The following TLN1 variants were observed in gnomAD, a reference collection of about 807,000 sequenced individuals.
The protein encoded by TLN1 is talin 1.
In TLN1, 56 loss-of-function variants were observed where a neutral mutation model predicts 292.3. The observed-to-expected ratio is 0.19, with a 90% CI of 0.15 to 0.24. The LOEUF (loss-of-function observed/expected upper bound fraction) is 0.24. Ranked by LOEUF, TLN1 falls within the 10% of genes least tolerant of loss-of-function variation. The pLI is 1.00. For missense variants in TLN1, 2,433 were observed against 3,248.2 expected, an observed-to-expected ratio of 0.75 and a Z score of 6.10; for synonymous variants, 1,119 against 1,253.7, an observed-to-expected ratio of 0.89 and a Z score of 2.27.
Position 35,699,928 on chromosome 9 carries a change from G to C in TLN1, c.6768+46C>G, listed in dbSNP as rs1563937760. The C allele has an allele frequency of 6.4e-7, 1 of 1,561,054 alleles. No homozygotes were observed. The highest frequency in any genetic ancestry group is 2.3e-5 in the East Asian group (1 of 44,210). ...GCGAGGCCTGCAGGAAGAGGGCTGT[G>C]TATTCAGGGAGGCTGGTATGAGGAA... On this transcript the variant is annotated intron_variant, in intron 50 of 56. Coordinates refer to ENST00000314888, the MANE Select transcript of TLN1 (RefSeq NM_006289.4). The surrounding 1 kb of genome is among the most constrained non-coding windows in gnomAD (Gnocchi z 4.0).
At chr9:35,721,908 G>T in intron 9 of TLN1, 105 bp from the exon 10 acceptor site, 2 of 1,461,496 alleles carry the variant, frequency 1.4e-6, no homozygotes, top group Non-Finnish European at 1.9e-6. Context: ...GGCCGGGAGG[G>T]CTAACGGACA....
intron 48 of TLN1, 140 bp from the exon 49 acceptor site, chr9:35,700,516 T>C (rs994068660): frequency 3.3e-6 from 3 of 900,460 alleles, no homozygotes; most frequent in African/African-American, 3.3e-5. Context: ...TGTTTCTGAC[T>C]GAAGCAACTG....
At chr9:35,715,239 A>G (rs1825757035) in intron 20 of TLN1, 52 bp from the exon 21 acceptor site, 1 of 1,593,184 alleles carries the variant, frequency 6.3e-7, no homozygotes, top group South Asian at 1.1e-5. Flanking sequence ...GTGGATCCTA[A>G]AGAAGCTCCT....
At position 35,723,967 on chromosome 9, in the gene TLN1, T is replaced by C. The variant is rs1305283038; in HGVS notation, c.767A>G (p.Lys256Arg). Reference sequence around the variant, plus strand: ...GGTCACTCACTCAAGGAAGCCAGCCTTGTGCTTCTGCTCATTGTGGGGCCC... The same window carrying C: ...GGTCACTCACTCAAGGAAGCCAGCCCTGTGCTTCTGCTCATTGTGGGGCCC... The part of the protein sequence containing the change: ...QFGPHNEQKH[K>R]AGFLDLKDFL... Residue 256 changes from lysine (K) to arginine (R), a missense_variant, in exon 7 of 57, where the codon AAG becomes AGG. Lys to Arg is a conservative substitution (Grantham distance 26, BLOSUM62 2). Around this residue, in one of 7 missense-constraint regions of TLN1, gnomAD observed 78 missense variants for 88.8 expected, o/e 0.88. Coordinates refer to ENST00000314888, the MANE Select transcript of TLN1 (RefSeq NM_006289.4). 1 of 1,614,158 alleles carries C rather than the reference T, an allele frequency of 6.2e-7. No homozygotes were observed. The highest frequency in any genetic ancestry group is 1.7e-5 in the Admixed American group (1 of 60,024).
At chr9:35,720,622 TC>T in intron 11 of TLN1, 113 bp from the exon 12 acceptor site, 5 of 1,165,164 alleles carry the variant, frequency 4.3e-6, no homozygotes, top group Admixed American at 4.5e-5. Context: ...AGTGTCCATT[TC>T]TTTTTCTTTT....
Position 35,699,571 on chromosome 9 carries a change from C to T in TLN1, c.6769-110G>A. On this transcript the variant is annotated intron_variant, in intron 50 of 56. Coordinates refer to ENST00000314888, the MANE Select transcript of TLN1 (RefSeq NM_006289.4). The surrounding 1 kb of genome is among the most constrained non-coding windows in gnomAD (Gnocchi z 4.0). ...TCACCCCTATCCCTAGAGCACTCCA[C>T]ACCATAGCCCTCAAACTCCACGCTG... 6.9e-7 allele frequency: 1 copy of T among 1,445,156 alleles called. No homozygotes were observed. The highest frequency in any genetic ancestry group is 9.1e-7 in the Non-Finnish European group (1 of 1,098,536). The allele number at this position is 1,445,156 out of a possible 1,614,324, so 89.5% of individuals were successfully genotyped here.
intron 34 of TLN1, 112 bp downstream of exon 34, chr9:35,708,229 A>G (rs1175757405): frequency 7.4e-7 from 1 of 1,346,816 alleles, no homozygotes; most frequent in African/African-American, 1.5e-5. Context: ...TGTGTGTGCA[A>G]GGTCAGAGAT....
Position 35,697,656 on chromosome 9 carries a change from G to C in TLN1, c.*135C>G, listed in dbSNP as rs528869277. 7.4e-7 allele frequency: 1 copy of C among 1,344,820 alleles called. No individual in the cohort carries two copies. Among genetic ancestry groups the C allele is most frequent in the Admixed American group, 2.1e-5 (1 of 47,140 alleles). 83.3% of individuals were successfully genotyped at this position (1,344,820 alleles called of 1,614,324 possible). A position where few individuals can be genotyped will look rare whatever the true frequency, so the allele number is the denominator to read the frequency against. ...GGGGATGTACTGCGGGACTGGGCGG[G>C]GCCAGGCCCTGGGGTTTGGCAGGCA... On this transcript the variant is annotated 3_prime_UTR_variant, in exon 57 of 57. Transcript: ENST00000314888.
rs776259719 is a variant in TLN1 at position 35,706,930 on chromosome 9, A to G, written c.4956-30T>C. Reference sequence around the variant, plus strand: ...AGACACATCATGGGCTCCAACACCAAGAACATCCCCTACTGCAAGGCCAGC... The same window carrying G: ...AGACACATCATGGGCTCCAACACCAGGAACATCCCCTACTGCAAGGCCAGC... On this transcript the variant is annotated intron_variant, in intron 37 of 56. Transcript: ENST00000314888. This position sits in a 1 kb window ranked among gnomAD's most constrained non-coding sequence, Gnocchi z 4.2. The G allele has an allele frequency of 6.2e-7, 1 of 1,612,138 alleles. No homozygotes were observed. The highest frequency in any genetic ancestry group is 2.2e-5 in the East Asian group (1 of 44,856).
At chr9:35,711,833 T>C in intron 28 of TLN1, 41 bp from the exon 29 acceptor site, 1 of 1,611,964 alleles carries the variant, frequency 6.2e-7, no homozygotes, top group Non-Finnish European at 8.5e-7. Flanking sequence ...GAGTGGGGAA[T>C]GATGCAGGGA....
chr9:35,710,109 GCTA>G, intron 33 of TLN1, among the ~76,000 whole-genome samples: 1 of 146,138 alleles, frequency 6.8e-6, no homozygotes, highest in Non-Finnish European at 1.5e-5. Flanking sequence ...TGTAGTCCCA[GCTA>G]CTTGGAAGGC....
At position 35,714,041 on chromosome 9, in the gene TLN1, A is replaced by G; in HGVS notation, c.3161T>C (p.Leu1054Pro). 1 of 1,614,224 alleles carries G rather than the reference A, an allele frequency of 6.2e-7. No homozygotes were observed. The highest frequency in any genetic ancestry group is 8.5e-7 in the Non-Finnish European group (1 of 1,180,032). Residue 1054 changes from leucine (L) to proline (P), a missense_variant, in exon 25 of 57, where the codon CTG becomes CCG. Leu to Pro is a moderately conservative substitution (Grantham distance 98). Around this residue, in one of 7 missense-constraint regions of TLN1, gnomAD observed 1,384 missense variants for 1,699.6 expected, o/e 0.81. Coordinates refer to ENST00000314888, the MANE Select transcript of TLN1 (RefSeq NM_006289.4). The surrounding 1 kb of genome is among the most constrained non-coding windows in gnomAD (Gnocchi z 4.6). ...TTTCTCTAGATTCTGTACCACACTC[A>G]GTGCAGAATCCATCTCCAAAGGTCC... ...ACGPLEMDSA[L>P]SVVQNLEKDL...
intron 20 of TLN1, 147 bp downstream of exon 20, chr9:35,716,243 G>T: frequency 3.5e-6 from 3 of 860,452 alleles, no homozygotes; most frequent in Non-Finnish European, 5.2e-6. Flanking sequence ...CAGCCTTGGG[G>T]CTCATTCATT....
rs1825505775 is a variant in TLN1, at chr9:35,703,541, GC to G, written c.6474+18del. On this transcript the variant is annotated intron_variant, in intron 48 of 56. Transcript: ENST00000314888. ...CCTCTCTCTGACCCTAGTCACTGAT[GC>G]CCCAGACTCTCACTCACCGCCAGCT... 6.2e-7 allele frequency: 1 copy of G among 1,607,528 alleles called. No homozygotes were observed. Among genetic ancestry groups the G allele is most frequent in the Admixed American group, 1.7e-5 (1 of 59,992 alleles).
At position 35,719,515 on chromosome 9, in the gene TLN1, C is replaced by T; in HGVS notation, c.1687+4G>A. 1 of 1,613,126 alleles carries T rather than the reference C, an allele frequency of 6.2e-7. No homozygotes were observed. The highest frequency in any genetic ancestry group is 1.7e-4 in the Middle Eastern group (1 of 5,868). ...ACACACCCGGAAGCTAGCATCCGGC[C>T]TACCTGCTGTCAGGTTCACCACAGA... On this transcript the variant is annotated splice_donor_region_variant and intron_variant, in intron 15 of 56. Coordinates refer to ENST00000314888, the MANE Select transcript of TLN1 (RefSeq NM_006289.4). This position sits in a 1 kb window ranked among gnomAD's most constrained non-coding sequence, Gnocchi z 4.6.
chr9:35,722,786 G>C, intron 8 of TLN1, 75 bp downstream of exon 8: 15 of 1,482,222 alleles, frequency 1.0e-5, no homozygotes, highest in Non-Finnish European at 1.4e-5. Flanking sequence ...GAGGAGGCAG[G>C]GGGCCATTTA....
In TLN1 at chr9:35,710,688, G is replaced by A. The variant is rs1211568362; in HGVS notation, c.4204-5C>T. ...AGTCATGGCCTCGCCCAGCACCTGA[G>A]GAACAGAGGACATCAGGGGAGTCAG... On this transcript the variant is annotated splice_region_variant and splice_polypyrimidine_tract_variant and intron_variant, in intron 32 of 56. Transcript: ENST00000314888. 1 of 1,614,142 alleles carries A rather than the reference G, an allele frequency of 6.2e-7. No individual in the cohort carries two copies. The highest frequency in any genetic ancestry group is 1.6e-4 in the Middle Eastern group (1 of 6,062).
chr9:35,713,288 C>T lies in TLN1; in HGVS notation c.3260G>A (p.Cys1087Tyr). 6.3e-7 allele frequency: 1 copy of T among 1,590,772 alleles called. No individual in the cohort carries two copies. Among genetic ancestry groups the T allele is most frequent in the Admixed American group, 1.7e-5 (1 of 59,590 alleles). Residue 1087 changes from cysteine to tyrosine, a missense_variant, in exon 26 of 57, where the codon TGT becomes TAT. By Grantham distance (194) the Cys-to-Tyr change is radical. Coordinates refer to ENST00000314888, the MANE Select transcript of TLN1 (RefSeq NM_006289.4). ...KPLPGETMEK[C>Y]TQDLGNSTKA... is the part of the protein sequence containing the mutation. ...GGTGCTGTTGCCCAGGTCCTGGGTA[C>T]ACTTCTCCATCTAAGGATGAAGGGG...
Position 35,699,681 on chromosome 9 carries a change from G to T in TLN1, c.6769-220C>A. On this transcript the variant is annotated intron_variant, in intron 50 of 56. Transcript: ENST00000314888. The surrounding 1 kb of genome is among the most constrained non-coding windows in gnomAD (Gnocchi z 4.0). ...TCACTCACCGGCTGACAAGGAGCAA[G>T]GAGAATGATGAGATGAAAGAGGAGA... The T allele has an allele frequency of 1.0e-6, 1 of 985,372 alleles. No individual in the cohort carries two copies. The allele number at this position is 985,372 out of a possible 1,614,324, so 61.0% of individuals were successfully genotyped here.
Sources: gnomAD v4.1 joint callset for allele counts (sites outside exome capture counted in the v4.1 genomes callset) on GRCh38, gnomAD v4.1.1 for gene constraint, gnomAD v4.1.1 regional missense constraint, Gnocchi (gnomAD v3.1) non-coding constraint, MANE v1.5 for transcripts, NCBI Gene and HGNC (gene_info 2026-07-23, HGNC 2026-07-21) for gene names.